PTGER3: variants seen among roughly 807,000 people sequenced by gnomAD.
PTGER3 encodes prostaglandin E receptor 3.
Under a neutral mutation model 34.7 loss-of-function variants are expected in PTGER3, and 22 were observed. The observed-to-expected ratio is 0.63, with a 90% CI of 0.45 to 0.91. PTGER3 has a LOEUF of 0.91. Among genes scored for constraint, PTGER3 ranks in the 40% least tolerant of loss-of-function variants. The pLI is 0.00. For synonymous variants in PTGER3, 241 were observed against 230.1 expected, an observed-to-expected ratio of 1.05 and a Z score of -0.43; for missense variants, 468 against 519.4, an observed-to-expected ratio of 0.90 and a Z score of 0.96.
chr1:71,000,573 A>G (rs975956274), intron 2 of PTGER3, among the ~76,000 whole-genome samples: 1 of 152,188 alleles, frequency 6.6e-6, no homozygotes, highest in Non-Finnish European at 1.5e-5. Context: ...AAGAAGGATG[A>G]AGACATGGGA....
chr1:70,852,636 T>C lies in PTGER3; in HGVS notation c.*247A>G, dbSNP rs758733073. 2.7e-5 allele frequency: 17 copies of C among 637,438 alleles called. No individual in the cohort carries two copies. In the Admixed American group the frequency reaches 4.1e-4, roughly 15 times the overall value. 39.5% of individuals were successfully genotyped at this position (637,438 alleles called of 1,614,324 possible). ...CAATAGGACATAAGTTTAATTGATG[T>C]ATGTAGATATAGTAAAAGTACAAAA... On this transcript the variant is annotated 3_prime_UTR_variant, in exon 5 of 5. Transcript: ENST00000370931.
At chr1:71,018,966 A>G (rs200424087) in intron 1 of PTGER3, among the ~76,000 whole-genome samples, 2 of 152,330 alleles carry the variant, frequency 1.3e-5, no homozygotes, top group East Asian at 3.9e-4. Context: ...TGGAATTAGA[A>G]GCAGTGAGCA....
At chr1:70,973,240 TA>T (rs768833118) in intron 3 of PTGER3, among the ~76,000 whole-genome samples, 1 of 150,554 alleles carries the variant, frequency 6.6e-6, no homozygotes, top group Admixed American at 6.6e-5. Context: ...GATAGATAGA[TA>T]GATAGATAGA....
At chr1:70,881,496 G>T (rs373930008) in intron 4 of PTGER3, among the ~76,000 whole-genome samples, 48 of 152,132 alleles carry the variant, frequency 3.2e-4, no homozygotes, top group African/African-American at 9.9e-4. Context: ...TGCCTTTTTT[G>T]TTGTTGTTGT....
intron 4 of PTGER3, among the ~76,000 whole-genome samples, chr1:70,931,803 G>A (rs1282631146): frequency 6.6e-6 from 1 of 152,166 alleles, no homozygotes; most frequent in Non-Finnish European, 1.5e-5. Context: ...TGTGATGGGA[G>A]GGGCTGCCAC....
At chr1:70,862,352 G>T (rs376334378) in intron 4 of PTGER3, 3 of 1,366,834 alleles carry the variant, frequency 2.2e-6, no homozygotes, top group Non-Finnish European at 2.9e-6. Context: ...GGGTTAGGCA[G>T]ATTTATCTTC....
At chr1:70,931,475 G>A (rs1289823378) in intron 4 of PTGER3, among the ~76,000 whole-genome samples, 1 of 152,206 alleles carries the variant, frequency 6.6e-6, no homozygotes, top group Non-Finnish European at 1.5e-5. Context: ...CCTAACAAAG[G>A]CTCTCCATGA....
At chr1:70,941,422 T>C (rs1649749667) in intron 4 of PTGER3, among the ~76,000 whole-genome samples, 2 of 152,330 alleles carry the variant, frequency 1.3e-5, no homozygotes, top group Non-Finnish European at 2.9e-5. Context: ...ATGATTACTA[T>C]AGTTGACCTC....
intron 4 of PTGER3, among the ~76,000 whole-genome samples, chr1:70,882,790 T>C (rs1026660132): frequency 6.6e-6 from 1 of 152,182 alleles, no homozygotes; most frequent in Non-Finnish European, 1.5e-5. Flanking sequence ...GAGGTTCTCC[T>C]GGTTTCACAC....
intron 2 of PTGER3, among the ~76,000 whole-genome samples, chr1:70,961,888 G>A (rs1007805256): frequency 2.6e-5 from 4 of 152,164 alleles, no homozygotes; most frequent in Non-Finnish European, 2.9e-5. Flanking sequence ...CTGCTTTTGA[G>A]AACATATAAT....
In PTGER3 at chr1:71,032,128, C is replaced by T. The variant is rs555543827; in HGVS notation, c.897+14553G>A. 2.6e-5 allele frequency among the ~76,000 whole-genome samples: 4 copies of T among 152,320 alleles called. No individual in the cohort carries two copies. In the East Asian group the frequency reaches 7.7e-4, roughly 29 times the overall value. Reference sequence around the variant, plus strand: ...GAATAACATAAAACCCAGACTACAACTCATCCTTTATGGAAAAATCAAGAA... The same window carrying T: ...GAATAACATAAAACCCAGACTACAATTCATCCTTTATGGAAAAATCAAGAA... On this transcript the variant is annotated intron_variant, in intron 1 of 3. Transcript: ENST00000306666.
chr1:70,977,955 T>C (rs1040737539), intron 2 of PTGER3, among the ~76,000 whole-genome samples: 2 of 152,152 alleles, frequency 1.3e-5, no homozygotes, highest in African/African-American at 4.8e-5. Flanking sequence ...TCTCCCTTTG[T>C]CAGAAACTGT....
Position 71,013,469 on chromosome 1 carries a change from G to A in PTGER3, c.898-985C>T, listed in dbSNP as rs1044380903. 2.6e-5 allele frequency among the ~76,000 whole-genome samples: 4 copies of A among 152,168 alleles called. No individual in the cohort carries two copies. In the South Asian group the frequency reaches 8.3e-4, roughly 32 times the overall value. On this transcript the variant is annotated intron_variant, in intron 1 of 3. Transcript: ENST00000306666. ...TGTAATCCCGGCACTTTGGGAGGCC[G>A]AGGCAGGCGGATCACTTGAGGTCAG...
chr1:70,994,997 G>T (rs577803560), intron 2 of PTGER3, among the ~76,000 whole-genome samples: 12 of 152,114 alleles, frequency 7.9e-5, no homozygotes, highest in Admixed American at 5.9e-4. Context: ...CCATCCAGTG[G>T]GGGAGCTAGA....
chr1:71,046,936 T>C lies in PTGER3; in HGVS notation c.642A>G (p.Arg214=). 6.2e-7 allele frequency: 1 copy of C among 1,607,654 alleles called. No individual in the cohort carries two copies. The highest frequency in any genetic ancestry group is 8.5e-7 in the Non-Finnish European group (1 of 1,177,154). Residue 214 remains arginine, a synonymous_variant, in exon 1 of 4, where the codon CGA becomes CGG. Coordinates refer to ENST00000306666, the MANE Select transcript of PTGER3 (RefSeq NM_198719.2). ...PGTWCFISTG[R]GGNGTSSSHN... is the part of the protein sequence containing the mutation. ...GCGAAGAGCTAGTCCCGTTGCCCCC[T>C]CGCCCGGTGCTGATGAAGCACCACG...
At chr1:70,873,643 T>A (rs1330735371) in intron 4 of PTGER3, among the ~76,000 whole-genome samples, 3 of 150,272 alleles carry the variant, frequency 2.0e-5, no homozygotes. Context: ...TGGCGATATG[T>A]GAGGTGCTTT....
intron 4 of PTGER3, among the ~76,000 whole-genome samples, chr1:70,882,757 C>A (rs1045859971): frequency 4.6e-5 from 7 of 152,140 alleles, no homozygotes; most frequent in African/African-American, 9.7e-5. Context: ...GGCTCTCACT[C>A]GCTCACCCTT....
chr1:70,906,524 G>GGA (rs397774184), intron 4 of PTGER3, among the ~76,000 whole-genome samples: 2 of 151,462 alleles, frequency 1.3e-5, no homozygotes, highest in Non-Finnish European at 2.9e-5. Flanking sequence ...TGCAGGAGTG[G>GGA]AAAAAATGAG....
At chr1:70,990,426 ATATG>A (rs1218871910) in intron 2 of PTGER3, among the ~76,000 whole-genome samples, 2 of 138,458 alleles carry the variant, frequency 1.4e-5, no homozygotes, top group Non-Finnish European at 3.1e-5. Flanking sequence ...TCTATTATAC[ATATG>A]TATCAATGTA....
Sources: allele counts gnomAD v4.1 joint callset (sites outside exome capture counted in the v4.1 genomes callset), GRCh38; gene constraint gnomAD v4.1.1; transcripts MANE v1.5; gene names NCBI Gene and HGNC (gene_info 2026-07-23, HGNC 2026-07-21).